PSD3: variants seen among roughly 807,000 people sequenced by gnomAD.
PSD3 encodes the protein pleckstrin and Sec7 domain containing 3.
Under a neutral mutation model 105.5 loss-of-function variants are expected in PSD3, and 49 were observed. The ratio of observed to expected loss-of-function variants is 0.46; its 90% CI spans 0.37 to 0.59. The LOEUF (loss-of-function observed/expected upper bound fraction) is 0.59. Ranked by LOEUF, PSD3 falls within the 20% of genes least tolerant of loss-of-function variation. PSD3 has a pLI of 0.00. For synonymous variants in PSD3, 557 were observed against 457.8 expected (o/e 1.22, Z -2.77); for missense variants, 1,561 against 1,263.8 (o/e 1.24, Z -3.57).
intron 9 of PSD3, among the ~76,000 whole-genome samples, chr8:18,696,081 G>C (rs1193021563): frequency 6.6e-6 from 1 of 152,306 alleles, no homozygotes; most frequent in South Asian, 2.1e-4. Context: ...GCCTGGCCCA[G>C]GGTCATGGGA....
chr8:18,540,164 A>C (rs1406132148), intron 15 of PSD3, among the ~76,000 whole-genome samples: 1 of 152,202 alleles, frequency 6.6e-6, no homozygotes, highest in Admixed American at 6.5e-5. Flanking sequence ...ACAGTTTATG[A>C]AAGCAGCTTC....
chr8:18,722,858 T>C lies in PSD3; in HGVS notation c.2172+42591A>G, dbSNP rs187193594. ...CTGGAGTACAATATGCCCTCCAAAC[T>C]CTAATTTTCTGAACTATTTCAGCAC... is the stretch of plus-strand genomic sequence containing the variant. On this transcript the variant is annotated intron_variant, in intron 9 of 15. Coordinates refer to ENST00000327040, the MANE Select transcript of PSD3 (RefSeq NM_015310.4). 2.0e-5 allele frequency among the ~76,000 whole-genome samples: 3 copies of C among 152,222 alleles called. No homozygotes were observed. The East Asian group carries it at 5.8e-4, about 29-fold the overall frequency.
At position 18,839,212 on chromosome 8, in the gene PSD3, G is replaced by C. The variant is rs1156307282; in HGVS notation, c.1634+28462C>G. Among the ~76,000 whole-genome samples, 3 of 152,114 alleles carry C rather than the reference G, an allele frequency of 2.0e-5. No homozygotes were observed. In the South Asian group the frequency reaches 6.2e-4, roughly 32 times the overall value. ...ACATACCATTTACAAGTGTAAATGT[G>C]GTGAGTTCATCAGTTTCTGGCATTA... On this transcript the variant is annotated intron_variant, in intron 4 of 15. Coordinates refer to ENST00000327040, the MANE Select transcript of PSD3 (RefSeq NM_015310.4).
chr8:18,633,838 A>C (rs1807067172), intron 10 of PSD3, among the ~76,000 whole-genome samples: 1 of 152,154 alleles, frequency 6.6e-6, no homozygotes, highest in Non-Finnish European at 1.5e-5. Flanking sequence ...AAGTACTTAA[A>C]AACTGCTTTC....
intron 9 of PSD3, chr8:18,733,872 T>C (rs968218078): frequency 1.3e-5 from 2 of 152,462 alleles, no homozygotes; most frequent in Admixed American, 6.6e-5. Flanking sequence ...AGTCCAATTA[T>C]GGGAAAATGA....
chr8:18,840,920 T>C (rs1416511092), intron 4 of PSD3, among the ~76,000 whole-genome samples: 2 of 152,226 alleles, frequency 1.3e-5, no homozygotes, highest in African/African-American at 4.8e-5. Flanking sequence ...GATCAGTACA[T>C]TCATCTGGGT....
chr8:18,620,970 C>G (rs559185636), intron 11 of PSD3, among the ~76,000 whole-genome samples: 9 of 152,354 alleles, frequency 5.9e-5, no homozygotes, highest in African/African-American at 1.9e-4. Context: ...AACGAGTCAG[C>G]AGTGAAAATA....
intron 12 of PSD3, among the ~76,000 whole-genome samples, chr8:18,581,192 A>C (rs1802793146): frequency 6.6e-6 from 1 of 152,242 alleles, no homozygotes; most frequent in Non-Finnish European, 1.5e-5. Context: ...ACCAACAGGA[A>C]TGGAATCATT....
intron 1 of PSD3, among the ~76,000 whole-genome samples, chr8:19,026,701 C>CAGAAA (rs1249052552): frequency 2.4e-5 from 2 of 82,246 alleles, no homozygotes; most frequent in Non-Finnish European, 4.6e-5. Flanking sequence ...CACATCTCTA[C>CAGAAA]AAAAAAAAAA....
chr8:19,082,917 G>T (rs1829688191), intron 1 of PSD3, among the ~76,000 whole-genome samples: 2 of 152,224 alleles, frequency 1.3e-5, no homozygotes, highest in South Asian at 2.1e-4. Context: ...CTACTCTGGA[G>T]AGCTTTCTCC....
chr8:18,822,400 A>AC (rs1210540788), intron 4 of PSD3, among the ~76,000 whole-genome samples: 9 of 152,176 alleles, frequency 5.9e-5, no homozygotes, highest in Non-Finnish European at 1.0e-4. Context: ...AGTACAGTCC[A>AC]TCCCCGGGAG....
At chr8:18,690,116 A>C (rs556806555) in intron 9 of PSD3, among the ~76,000 whole-genome samples, 84 of 152,312 alleles carry the variant, frequency 5.5e-4, no homozygotes, top group African/African-American at 1.9e-3. Context: ...CAAGGCTGGG[A>C]GACTGACTCT....
chr8:18,772,957 A>G (rs1016144581), intron 8 of PSD3, among the ~76,000 whole-genome samples: 1 of 152,216 alleles, frequency 6.6e-6, no homozygotes, highest in South Asian at 2.1e-4. Context: ...TATGATTTGT[A>G]AATATTTTAT....
At chr8:19,044,330 A>G (rs1477223238) in intron 1 of PSD3, among the ~76,000 whole-genome samples, 3 of 152,108 alleles carry the variant, frequency 2.0e-5, no homozygotes, top group Non-Finnish European at 4.4e-5. Flanking sequence ...ACCTTTGATT[A>G]TATAATTGCC....
intron 1 of PSD3, among the ~76,000 whole-genome samples, chr8:19,082,949 G>A (rs1427425088): frequency 2.0e-5 from 3 of 152,176 alleles, no homozygotes; most frequent in Admixed American, 6.5e-5. Context: ...CTGTGGCTAC[G>A]CAGGCCCTTG....
intron 2 of PSD3, among the ~76,000 whole-genome samples, chr8:18,879,845 AC>A (rs11291216): frequency 1 from 152,323 of 152,324 alleles, 76,161 homozygotes; most frequent in Middle Eastern, 1. Context: ...TGATCCTCCC[AC>A]CCTTGGCCTC....
chr8:18,628,536 A>G (rs1300870168), intron 11 of PSD3, among the ~76,000 whole-genome samples: 1 of 151,998 alleles, frequency 6.6e-6, no homozygotes, highest in Non-Finnish European at 1.5e-5. Flanking sequence ...TTTCACACTG[A>G]TAAAACATGA....
At chr8:18,673,781 G>C (rs568303976) in intron 9 of PSD3, among the ~76,000 whole-genome samples, 1 of 152,080 alleles carries the variant, frequency 6.6e-6, no homozygotes, top group South Asian at 2.1e-4. Flanking sequence ...CGTGGGCCTC[G>C]ACTGAGCCTA....
Position 18,556,260 on chromosome 8 carries a change from T to C in PSD3, c.2877A>G (p.Lys959=), listed in dbSNP as rs2130143734. The C allele has an allele frequency of 1.9e-6, 3 of 1,614,180 alleles. No individual in the cohort carries two copies. Among genetic ancestry groups the C allele is most frequent in the South Asian group, 1.1e-5 (1 of 91,084 alleles). Residue 959 remains lysine, a synonymous_variant, in exon 15 of 16, where the codon AAA becomes AAG. Coordinates refer to ENST00000327040, the MANE Select transcript of PSD3 (RefSeq NM_015310.4). ...HRSYPPDKKV[K]AKDVDEYKLK... is the part of the protein sequence containing the mutation. ...GTTTGTACTCATCGACGTCCTTGGCTTTGACCTTCTTGTCGGGGGGATATG... is the reference window on the plus strand; with the variant it reads ...GTTTGTACTCATCGACGTCCTTGGCCTTGACCTTCTTGTCGGGGGGATATG...
Sources: allele counts gnomAD v4.1 joint callset (sites outside exome capture counted in the v4.1 genomes callset), GRCh38; gene constraint gnomAD v4.1.1; transcripts MANE v1.5; gene names NCBI Gene and HGNC (gene_info 2026-07-23, HGNC 2026-07-21).